Variants in LRMDA observed in about 807,000 individuals in gnomAD.
LRMDA encodes the protein leucine-rich melanocyte differentiation-associated protein.
In LRMDA, 18 loss-of-function variants were observed where a neutral mutation model predicts 29.8. The ratio of observed to expected loss-of-function variants is 0.60; its 90% CI spans 0.42 to 0.90. LRMDA has a LOEUF of 0.90. Ranked by LOEUF, LRMDA falls within the 40% of genes least tolerant of loss-of-function variation. The pLI, the probability that LRMDA is intolerant of heterozygous loss-of-function variation, is 0.00. For missense variants in LRMDA, 273 were observed against 273.9 expected, an observed-to-expected ratio of 1.00 and a Z score of 0.02; for synonymous variants, 125 against 109.4, an observed-to-expected ratio of 1.14 and a Z score of -0.89.
chr10:76,123,826 C>T lies in LRMDA; in HGVS notation c.516+65043C>T, dbSNP rs146514657. On this transcript the variant is annotated intron_variant, in intron 5 of 6. Transcript: ENST00000611255. The stretch of plus-strand genomic sequence containing the variant: ...GCTTAAAGATACTTTGTCATCTTTC[C>T]GTGTATCTCAAACTCTGTGCCATGT... Among the ~76,000 whole-genome samples, 735 of 152,268 alleles carry T rather than the reference C, an allele frequency of 4.8e-3. 8 individuals are homozygous for T. Among genetic ancestry groups the T allele is most frequent in the Non-Finnish European group, 7.9e-3 (540 of 68,020 alleles).
chr10:75,811,935 T>G (rs1843968424), intron 2 of LRMDA, among the ~76,000 whole-genome samples: 2 of 152,168 alleles, frequency 1.3e-5, no homozygotes, highest in South Asian at 4.1e-4. Context: ...GGATTGCCTT[T>G]TGATACAAGT....
At chr10:75,970,943 T>C (rs1846957063) in intron 2 of LRMDA, among the ~76,000 whole-genome samples, 1 of 152,180 alleles carries the variant, frequency 6.6e-6, no homozygotes, top group Non-Finnish European at 1.5e-5. Context: ...CTAAATAACC[T>C]GAGAAGGTAG....
intron 2 of LRMDA, among the ~76,000 whole-genome samples, chr10:75,583,985 C>A (rs909151462): frequency 1.3e-5 from 2 of 152,222 alleles, no homozygotes; most frequent in Non-Finnish European, 1.5e-5. Flanking sequence ...CCTTCCCAGC[C>A]CCCCCATAGG....
At chr10:76,162,887 A>G (rs548909223) in intron 5 of LRMDA, among the ~76,000 whole-genome samples, 1 of 152,206 alleles carries the variant, frequency 6.6e-6, no homozygotes, top group Non-Finnish European at 1.5e-5. Context: ...CATTATTTTT[A>G]AAAGAAAGGA....
intron 5 of LRMDA, chr10:76,260,947 G>T (rs1248082761): frequency 6.6e-6 from 1 of 152,062 alleles, no homozygotes; most frequent in Non-Finnish European, 1.5e-5. Flanking sequence ...ATCAGCAAAT[G>T]GATTACTTCT....
intron 6 of LRMDA, among the ~76,000 whole-genome samples, chr10:76,416,851 CTGTGTGTGCT>C (rs900100889): frequency 5.3e-5 from 8 of 152,268 alleles, no homozygotes; most frequent in African/African-American, 1.4e-4. Flanking sequence ...GTGCGTGTGC[CTGTGTGTGCT>C]TGTATGTTGT....
intron 2 of LRMDA, among the ~76,000 whole-genome samples, chr10:75,629,547 A>G (rs893154808): frequency 6.6e-6 from 1 of 152,220 alleles, no homozygotes; most frequent in Non-Finnish European, 1.5e-5. Context: ...CTTCCTAACT[A>G]ATCAGCTATT....
chr10:76,538,078 A>G (rs1843309484), intron 6 of LRMDA, among the ~76,000 whole-genome samples: 1 of 152,228 alleles, frequency 6.6e-6, no homozygotes, highest in Non-Finnish European at 1.5e-5. Context: ...ATTTCTTTGT[A>G]TAGTTGTACT....
At chr10:76,076,728 T>C (rs1392239795) in intron 5 of LRMDA, among the ~76,000 whole-genome samples, 1 of 152,090 alleles carries the variant, frequency 6.6e-6, no homozygotes, top group Non-Finnish European at 1.5e-5. Context: ...GATGACATGA[T>C]TCAGGAAAGG....
chr10:75,820,153 T>C (rs1844132434), intron 2 of LRMDA, among the ~76,000 whole-genome samples: 1 of 152,206 alleles, frequency 6.6e-6, no homozygotes, highest in South Asian at 2.1e-4. Context: ...TTAGACCAAA[T>C]GGACCTAATG....
intron 2 of LRMDA, among the ~76,000 whole-genome samples, chr10:75,606,767 A>G (rs965804058): frequency 3.3e-5 from 5 of 152,256 alleles, no homozygotes; most frequent in African/African-American, 1.2e-4. Flanking sequence ...GGCAGAAAGC[A>G]TGGATACAAA....
intron 2 of LRMDA, among the ~76,000 whole-genome samples, chr10:75,961,526 A>C (rs544119782): frequency 6.6e-6 from 1 of 152,234 alleles, no homozygotes; most frequent in Non-Finnish European, 1.5e-5. Flanking sequence ...TCACTTTGGC[A>C]AGAGGTTATT....
At chr10:76,402,158 G>A (rs2132497733) in intron 6 of LRMDA, 1 of 152,292 alleles carries the variant, frequency 6.6e-6, no homozygotes, top group South Asian at 2.1e-4. Context: ...GAGGTAAAGA[G>A]GTTAGGCCGT....
chr10:75,455,049 A>G (rs961521651), intron 2 of LRMDA, among the ~76,000 whole-genome samples: 3 of 152,212 alleles, frequency 2.0e-5, no homozygotes, highest in Non-Finnish European at 4.4e-5. Flanking sequence ...GGAGGATGCC[A>G]GTAGGGTTAC....
intron 5 of LRMDA, among the ~76,000 whole-genome samples, chr10:76,062,299 A>G (rs1339007128): frequency 2.0e-5 from 3 of 152,150 alleles, no homozygotes; most frequent in Admixed American, 1.3e-4. Context: ...TTTATTCCTG[A>G]CATAAAGAAT....
intron 2 of LRMDA, among the ~76,000 whole-genome samples, chr10:75,690,208 CT>C (rs1010593580): frequency 1.3e-5 from 2 of 152,166 alleles, no homozygotes; most frequent in African/African-American, 4.8e-5. Context: ...ATTCTGAGAT[CT>C]ACTTATATCC....
chr10:76,410,292 T>G (rs1435953235), intron 6 of LRMDA, among the ~76,000 whole-genome samples: 1 of 143,208 alleles, frequency 7.0e-6, no homozygotes, highest in African/African-American at 2.6e-5. Context: ...AAAAATCACT[T>G]TCTTTCTTTT....
intron 2 of LRMDA, among the ~76,000 whole-genome samples, chr10:75,889,569 CTG>C (rs1471600935): frequency 1.3e-5 from 2 of 152,152 alleles, no homozygotes. Flanking sequence ...ATGGAGGTAA[CTG>C]TGAGCAGCAA....
chr10:76,365,760 G>A (rs1418164030), intron 6 of LRMDA, among the ~76,000 whole-genome samples: 1 of 152,150 alleles, frequency 6.6e-6, no homozygotes, highest in African/African-American at 2.4e-5. Flanking sequence ...TTAGGTCTCA[G>A]CTATTTATCT....
Sources: allele counts gnomAD v4.1 joint callset (sites outside exome capture counted in the v4.1 genomes callset), GRCh38; gene constraint gnomAD v4.1.1; transcripts MANE v1.5; gene names NCBI Gene and HGNC (gene_info 2026-07-23, HGNC 2026-07-21).